Variants in QTMAN observed in about 807,000 individuals in gnomAD.
The protein encoded by QTMAN is tRNA-queuosine alpha-mannosyltransferase.
the QTMAN span, among the ~76,000 whole-genome samples, chr2:144,121,392 T>C: frequency 2.0e-5 from 3 of 152,214 alleles, no homozygotes; most frequent in Non-Finnish European, 4.4e-5. Context: ...GGGGCTCAGA[T>C]GTTCTTCACT....
chr2:144,133,275 TTA>T, the QTMAN span, among the ~76,000 whole-genome samples: 1 of 63,358 alleles, frequency 1.6e-5, no homozygotes, highest in Non-Finnish European at 2.8e-5. Context: ...AAATATATAT[TTA>T]TATATACATA....
At chr2:144,284,488 C>T in the QTMAN span, among the ~76,000 whole-genome samples, 4 of 151,748 alleles carry the variant, frequency 2.6e-5, no homozygotes, top group Non-Finnish European at 5.9e-5. Context: ...TTAAAAAAAA[C>T]TGAAAGGAAA....
the QTMAN span, among the ~76,000 whole-genome samples, chr2:143,981,337 G>GT: frequency 9.5e-3 from 1,388 of 146,840 alleles, 15 homozygotes; most frequent in African/African-American, 0.03. Flanking sequence ...GAAGAACCAT[G>GT]TTTTTTTTTT....
the QTMAN span, among the ~76,000 whole-genome samples, chr2:144,102,714 C>G: frequency 1.8e-4 from 27 of 152,308 alleles, no homozygotes; most frequent in Non-Finnish European, 2.6e-4. Flanking sequence ...TCTTCTTTTC[C>G]TTGTCACTGT....
chr2:144,268,116 G>C, the QTMAN span, among the ~76,000 whole-genome samples: 4 of 152,224 alleles, frequency 2.6e-5, no homozygotes, highest in Non-Finnish European at 5.9e-5. Context: ...CTTGGGGGTG[G>C]CCATTCTCAT....
chr2:144,097,573 G>A, the QTMAN span, among the ~76,000 whole-genome samples: 1 of 152,122 alleles, frequency 6.6e-6, no homozygotes, highest in African/African-American at 2.4e-5. Flanking sequence ...GCTGGAGGGT[G>A]GGAAGGGGAG....
chr2:144,182,173 T>C, the QTMAN span, among the ~76,000 whole-genome samples: 1 of 152,282 alleles, frequency 6.6e-6, no homozygotes, highest in African/African-American at 2.4e-5. Flanking sequence ...ATGAAAAATA[T>C]TCTCAGACTT....
the QTMAN span, among the ~76,000 whole-genome samples, chr2:144,321,418 C>T: frequency 6.6e-6 from 1 of 152,150 alleles, no homozygotes; most frequent in Non-Finnish European, 1.5e-5. Context: ...GTTAATTAGT[C>T]CATAATGAGG....
At chr2:144,020,113 C>A in the QTMAN span, among the ~76,000 whole-genome samples, 4 of 150,764 alleles carry the variant, frequency 2.7e-5, no homozygotes, top group African/African-American at 4.9e-5. Context: ...TTGTGATATG[C>A]AAGTGCTGGA....
At chr2:144,229,045 T>C in the QTMAN span, among the ~76,000 whole-genome samples, 1 of 152,212 alleles carries the variant, frequency 6.6e-6, no homozygotes, top group Non-Finnish European at 1.5e-5. Context: ...TCAATGGTTC[T>C]GTTTTAGAAA....
the QTMAN span, among the ~76,000 whole-genome samples, chr2:144,092,484 C>T: frequency 2.0e-5 from 3 of 152,094 alleles, no homozygotes; most frequent in Non-Finnish European, 2.9e-5. Context: ...CAAAACTGTA[C>T]ATCTTATATG....
At chr2:144,100,872 T>C in the QTMAN span, among the ~76,000 whole-genome samples, 2 of 130,418 alleles carry the variant, frequency 1.5e-5, no homozygotes, top group East Asian at 4.3e-4. Context: ...TTTTTTTTTT[T>C]TTTTTTTTTT....
At chr2:144,021,081 A>G in the QTMAN span, among the ~76,000 whole-genome samples, 1 of 152,142 alleles carries the variant, frequency 6.6e-6, no homozygotes, top group East Asian at 1.9e-4. Context: ...GAAGAAAATC[A>G]AAGAAAAAAA....
chr2:144,300,532 T>G, the QTMAN span, among the ~76,000 whole-genome samples: 5 of 152,308 alleles, frequency 3.3e-5, no homozygotes, highest in South Asian at 1.0e-3. Flanking sequence ...ATCCATTACC[T>G]GGATAACTTA....
At chr2:144,290,351 T>C in the QTMAN span, among the ~76,000 whole-genome samples, 355 of 152,326 alleles carry the variant, frequency 2.3e-3, no homozygotes, top group Middle Eastern at 0.027. Context: ...TATCCAGTAC[T>C]AGCCATTTCT....
At chr2:144,220,041 C>T in the QTMAN span, among the ~76,000 whole-genome samples, 1 of 152,092 alleles carries the variant, frequency 6.6e-6, no homozygotes, top group African/African-American at 2.4e-5. Flanking sequence ...CACGTGCTGA[C>T]AGTTTACAAA....
At chr2:143,951,744 T>C in the QTMAN span, among the ~76,000 whole-genome samples, 1 of 151,516 alleles carries the variant, frequency 6.6e-6, no homozygotes, top group South Asian at 2.1e-4. Flanking sequence ...ACAGTCATCT[T>C]AGAAAACAGT....
chr2:144,112,186 A>G, the QTMAN span, among the ~76,000 whole-genome samples: 2 of 152,364 alleles, frequency 1.3e-5, no homozygotes, highest in South Asian at 4.1e-4. Context: ...AAATATCTAG[A>G]AAGTCTGCTA....
At chr2:144,286,171 C>G in the QTMAN span, among the ~76,000 whole-genome samples, 9 of 152,208 alleles carry the variant, frequency 5.9e-5, no homozygotes, top group African/African-American at 1.9e-4. Flanking sequence ...TCAAATGATT[C>G]TGGCCCTCAC....
Sources: gnomAD v4.1 joint callset for allele counts (sites outside exome capture counted in the v4.1 genomes callset) on GRCh38, gnomAD v4.1.1 for gene constraint, MANE v1.5 for transcripts, NCBI Gene and HGNC (gene_info 2026-07-23, HGNC 2026-07-21) for gene names.